The following CSMD1 variants were observed in gnomAD, a reference collection of about 807,000 sequenced individuals.
CSMD1 encodes the protein CUB and Sushi multiple domains 1, also known as CUB and sushi domain-containing protein 1.
In CSMD1, 213 loss-of-function variants were observed where a neutral mutation model predicts 417.5. The observed-to-expected ratio is 0.51, with a 90% CI of 0.46 to 0.57. The LOEUF is 0.57. CSMD1 is among the 20% of genes least tolerant of loss of function. CSMD1 has a pLI of 0.00. For missense variants in CSMD1, 6,923 were observed against 4,529.7 expected (o/e 1.53, Z -15.17); for synonymous variants, 2,862 against 1,736.8 (o/e 1.65, Z -16.11).
rs544564524 is a variant in CSMD1, at chr8:2,969,548, A to G, written c.8924-2802T>C. 2.9e-4 allele frequency among the ~76,000 whole-genome samples: 44 copies of G among 152,314 alleles called. No homozygotes were observed. The South Asian group carries it at 9.1e-3, about 32-fold the overall frequency. ...TTATAATTTCCTCCTCCTTTTTATAATTTATTCAATTTACCATCAGTATCT... is the reference window on the plus strand; with the variant it reads ...TTATAATTTCCTCCTCCTTTTTATAGTTTATTCAATTTACCATCAGTATCT... On this transcript the variant is annotated intron_variant, in intron 57 of 69. Coordinates refer to ENST00000635120, the MANE Select transcript of CSMD1 (RefSeq NM_033225.6).
chr8:4,008,023 G>A (rs1161276394), intron 4 of CSMD1, among the ~76,000 whole-genome samples: 3 of 152,158 alleles, frequency 2.0e-5, no homozygotes, highest in Non-Finnish European at 4.4e-5. Context: ...GTTTATTTGT[G>A]TGTTTTTGCT....
intron 1 of CSMD1, among the ~76,000 whole-genome samples, chr8:4,892,403 G>A (rs1216368209): frequency 6.6e-6 from 1 of 152,032 alleles, no homozygotes; most frequent in African/African-American, 2.4e-5. Context: ...TGAGCTTACA[G>A]CCCTGCGTCC....
At chr8:3,896,037 A>T (rs1011813197) in intron 5 of CSMD1, among the ~76,000 whole-genome samples, 12 of 152,210 alleles carry the variant, frequency 7.9e-5, no homozygotes, top group African/African-American at 2.7e-4. Context: ...AAAGGAAGAA[A>T]TGACTGCGGA....
At chr8:4,225,989 G>A (rs1193511380) in intron 3 of CSMD1, among the ~76,000 whole-genome samples, 1 of 151,618 alleles carries the variant, frequency 6.6e-6, no homozygotes, top group Non-Finnish European at 1.5e-5. Context: ...AAGTTCAAGA[G>A]GTATGTTAAA....
At chr8:4,754,929 G>C (rs2117066446) in intron 1 of CSMD1, among the ~76,000 whole-genome samples, 1 of 152,132 alleles carries the variant, frequency 6.6e-6, no homozygotes, top group Non-Finnish European at 1.5e-5. Flanking sequence ...ACAAGGTCGG[G>C]AGTTCGAAAC....
At chr8:4,834,072 T>C (rs891428173) in intron 1 of CSMD1, among the ~76,000 whole-genome samples, 3 of 152,330 alleles carry the variant, frequency 2.0e-5, no homozygotes, top group East Asian at 1.9e-4. Context: ...AATTTTACTA[T>C]TGGACTCCTA....
At chr8:3,961,044 G>C (rs1197344095) in intron 5 of CSMD1, among the ~76,000 whole-genome samples, 2 of 151,966 alleles carry the variant, frequency 1.3e-5, no homozygotes, top group Non-Finnish European at 1.5e-5. Context: ...AAGAGGAAAA[G>C]ATAATTCAGA....
intron 7 of CSMD1, among the ~76,000 whole-genome samples, chr8:3,634,752 C>T (rs893031289): frequency 6.6e-6 from 1 of 152,044 alleles, no homozygotes; most frequent in Non-Finnish European, 1.5e-5. Context: ...TTAAGGCACA[C>T]AGTTTGATTG....
chr8:4,664,510 G>A (rs750552537), intron 1 of CSMD1, among the ~76,000 whole-genome samples: 5 of 152,124 alleles, frequency 3.3e-5, no homozygotes, highest in Non-Finnish European at 7.4e-5. Context: ...GCAGTGAGCC[G>A]TGATCATACC....
At chr8:3,547,570 C>T (rs1332832576) in intron 10 of CSMD1, among the ~76,000 whole-genome samples, 1 of 151,984 alleles carries the variant, frequency 6.6e-6, no homozygotes, top group Non-Finnish European at 1.5e-5. Context: ...GAGTTTTAGG[C>T]TTTATTTTTA....
chr8:4,026,680 A>G (rs1797080652), intron 4 of CSMD1, among the ~76,000 whole-genome samples: 1 of 152,262 alleles, frequency 6.6e-6, no homozygotes, highest in African/African-American at 2.4e-5. Flanking sequence ...AAAATATAAA[A>G]TAGCAATCAG....
At chr8:3,247,153 G>C (rs986568208) in intron 26 of CSMD1, among the ~76,000 whole-genome samples, 1 of 152,110 alleles carries the variant, frequency 6.6e-6, no homozygotes, top group Non-Finnish European at 1.5e-5. Flanking sequence ...AATGTTTGTG[G>C]GATGCAGGGC....
At position 4,359,078 on chromosome 8, in the gene CSMD1, T is replaced by C. The variant is rs972077333; in HGVS notation, c.415+60875A>G. Among the ~76,000 whole-genome samples, 12 of 152,170 alleles carry C rather than the reference T, an allele frequency of 7.9e-5. No homozygotes were observed. In the East Asian group the frequency reaches 2.1e-3, roughly 27 times the overall value. On this transcript the variant is annotated intron_variant, in intron 3 of 69. Transcript: ENST00000635120. ...ATGTGATACGAATGAAGTATTCCAG[T>C]TACACATAGTATATTAATAAATGCA...
At chr8:3,969,447 A>G (rs1249086343) in intron 5 of CSMD1, among the ~76,000 whole-genome samples, 1 of 152,076 alleles carries the variant, frequency 6.6e-6, no homozygotes, top group Non-Finnish European at 1.5e-5. Flanking sequence ...GGTCATGGTC[A>G]CTAGTGTTGT....
At chr8:4,359,866 A>G (rs570218223) in intron 3 of CSMD1, among the ~76,000 whole-genome samples, 1 of 152,346 alleles carries the variant, frequency 6.6e-6, no homozygotes, top group Non-Finnish European at 1.5e-5. Context: ...GTCCAGAGAC[A>G]ACACTACTAA....
intron 1 of CSMD1, among the ~76,000 whole-genome samples, chr8:4,861,775 T>C (rs1802145888): frequency 6.6e-6 from 1 of 152,032 alleles, no homozygotes; most frequent in African/African-American, 2.4e-5. Context: ...GTCTAAGATA[T>C]AAAGCTCTAA....
chr8:4,804,150 G>C (rs185312331), intron 1 of CSMD1, among the ~76,000 whole-genome samples: 3 of 152,092 alleles, frequency 2.0e-5, no homozygotes, highest in Admixed American at 6.5e-5. Context: ...ATCAAAACTA[G>C]ATGCCCTTGT....
intron 12 of CSMD1, among the ~76,000 whole-genome samples, chr8:3,455,726 G>C (rs1432067578): frequency 6.6e-6 from 1 of 152,202 alleles, no homozygotes; most frequent in South Asian, 2.1e-4. Flanking sequence ...GCCCCTACTG[G>C]GGATGCGTCC....
chr8:2,954,816 CTTCTAT>C (rs1193919434), intron 64 of CSMD1, among the ~76,000 whole-genome samples: 1 of 152,148 alleles, frequency 6.6e-6, no homozygotes, highest in Non-Finnish European at 1.5e-5. Context: ...AGTTTTCATT[CTTCTAT>C]TTCTAACAGG....
Sources: allele counts gnomAD v4.1 joint callset (sites outside exome capture counted in the v4.1 genomes callset), GRCh38; gene constraint gnomAD v4.1.1; transcripts MANE v1.5; gene names NCBI Gene and HGNC (gene_info 2026-07-23, HGNC 2026-07-21).